The following VAV3 variants were observed in gnomAD, a reference collection of about 807,000 sequenced individuals.
The protein encoded by VAV3 is guanine nucleotide exchange factor VAV3.
Under a neutral mutation model 131.2 loss-of-function variants are expected in VAV3, and 94 were observed. That is an observed-to-expected ratio of 0.72 (90% CI 0.61 to 0.85). The LOEUF is 0.85. Among genes scored for constraint, VAV3 ranks in the 40% least tolerant of loss-of-function variants. The probability of loss-of-function intolerance (pLI) is 0.00; values close to 1 mark genes in which losing one functional copy is unlikely to be tolerated. For synonymous variants in VAV3, 349 were observed against 342.0 expected, an observed-to-expected ratio of 1.02 and a Z score of -0.22; for missense variants, 939 against 1,002.7, an observed-to-expected ratio of 0.94 and a Z score of 0.86.
chr1:107,930,956 A>G (rs1207546555), intron 1 of VAV3, among the ~76,000 whole-genome samples: 1 of 152,236 alleles, frequency 6.6e-6, no homozygotes, highest in Non-Finnish European at 1.5e-5. Context: ...TAATGACACC[A>G]TGAGAAAGCA....
chr1:107,729,175 C>T (rs915931590), intron 15 of VAV3, among the ~76,000 whole-genome samples: 1 of 152,152 alleles, frequency 6.6e-6, no homozygotes, highest in Non-Finnish European at 1.5e-5. Context: ...AATGCACTGA[C>T]AGCAACAGCT....
intron 1 of VAV3, among the ~76,000 whole-genome samples, chr1:107,884,050 C>T (rs934682704): frequency 1.3e-5 from 2 of 151,778 alleles, no homozygotes; most frequent in East Asian, 3.9e-4. Context: ...TGGTGCATGT[C>T]GCTGCCTTTG....
chr1:107,643,042 C>T (rs1052979863), intron 19 of VAV3, among the ~76,000 whole-genome samples: 3 of 152,138 alleles, frequency 2.0e-5, no homozygotes, highest in South Asian at 4.1e-4. Flanking sequence ...CTGATGCCTG[C>T]TTCATAAAAA....
chr1:107,797,912 G>T (rs1331279660), intron 2 of VAV3, among the ~76,000 whole-genome samples: 1 of 152,154 alleles, frequency 6.6e-6, no homozygotes, highest in East Asian at 1.9e-4. Flanking sequence ...CCAAGAATTT[G>T]TACTTCTAGC....
intron 19 of VAV3, 151 bp downstream of exon 19, chr1:107,683,337 C>G: frequency 2.6e-6 from 2 of 760,406 alleles, no homozygotes. Context: ...ATGATTTACA[C>G]GTTAGACCAT....
intron 2 of VAV3, chr1:107,862,557 T>C (rs1338394723): frequency 6.6e-6 from 1 of 151,448 alleles, no homozygotes; most frequent in Non-Finnish European, 1.5e-5. Context: ...AATTGACTAT[T>C]AATATATCAC....
intron 6 of VAV3, among the ~76,000 whole-genome samples, chr1:107,769,314 CTAT>C (rs1664909090): frequency 9.2e-6 from 1 of 108,468 alleles, no homozygotes; most frequent in African/African-American, 3.2e-5. Flanking sequence ...TTTTGTGACT[CTAT>C]CTAAGAAGTT....
intron 15 of VAV3, among the ~76,000 whole-genome samples, chr1:107,738,304 G>A (rs1165497818): frequency 3.3e-5 from 5 of 152,116 alleles, no homozygotes; most frequent in African/African-American, 4.8e-5. Flanking sequence ...GTATACATAC[G>A]TAACAAACCT....
chr1:107,699,409 G>A (rs1659951434), intron 17 of VAV3, among the ~76,000 whole-genome samples: 1 of 152,252 alleles, frequency 6.6e-6, no homozygotes, highest in South Asian at 2.1e-4. Flanking sequence ...CTGCCCCTAT[G>A]GCGTTGCAGG....
chr1:107,723,147 C>T (rs373147288), intron 15 of VAV3, among the ~76,000 whole-genome samples: 1 of 152,096 alleles, frequency 6.6e-6, no homozygotes, highest in African/African-American at 2.4e-5. Context: ...ATAAATGGTA[C>T]TCCACATATA....
At chr1:107,874,879 G>A (rs1277048479) in intron 2 of VAV3, 22 bp downstream of exon 2, 3 of 1,593,848 alleles carry the variant, frequency 1.9e-6, no homozygotes, top group Admixed American at 1.7e-5. Context: ...AAAAAGTAGT[G>A]TTAAAAATGA....
At chr1:107,849,355 A>G (rs1273169359) in intron 2 of VAV3, among the ~76,000 whole-genome samples, 1 of 152,222 alleles carries the variant, frequency 6.6e-6, no homozygotes, top group Non-Finnish European at 1.5e-5. Flanking sequence ...TAACCAAAAC[A>G]GCATGGTACT....
chr1:107,704,879 G>C (rs1025171402), intron 16 of VAV3, 81 bp downstream of exon 16: 40 of 1,393,138 alleles, frequency 2.9e-5, no homozygotes, highest in Non-Finnish European at 3.9e-5. Context: ...GAACCTATTG[G>C]CTAGAAGGTT....
rs555386306 is a variant in VAV3, at chr1:107,789,953, T to C, written c.322-10461A>G. Among the ~76,000 whole-genome samples, 152 of 152,246 alleles carry C rather than the reference T, an allele frequency of 1.0e-3. 1 individual carries two copies. The highest frequency in any genetic ancestry group is 1.9e-3 in the Non-Finnish European group (132 of 68,022). On this transcript the variant is annotated intron_variant, in intron 2 of 26. Coordinates refer to ENST00000370056, the MANE Select transcript of VAV3 (RefSeq NM_006113.5). ...AGCCACATGTGGTTAATAGCAACCA[T>C]ACTGAGTGGTACAAGTCTACACAAA...
chr1:107,957,297 C>G (rs997666350), intron 1 of VAV3, among the ~76,000 whole-genome samples: 2 of 151,626 alleles, frequency 1.3e-5, no homozygotes, highest in African/African-American at 4.9e-5. Context: ...TCCTCTCTAT[C>G]CCTCTATTCA....
chr1:107,813,508 T>A (rs1023981353), intron 2 of VAV3, among the ~76,000 whole-genome samples: 2 of 152,250 alleles, frequency 1.3e-5, no homozygotes, highest in Admixed American at 6.5e-5. Context: ...TTTACATTTT[T>A]ATGTATGTGA....
intron 2 of VAV3, among the ~76,000 whole-genome samples, chr1:107,818,509 C>T (rs1667654897): frequency 6.6e-6 from 1 of 151,912 alleles, no homozygotes; most frequent in African/African-American, 2.4e-5. Flanking sequence ...GAGGGAGGAA[C>T]ACATATTAGA....
At chr1:107,699,373 G>A (rs1371985467) in intron 17 of VAV3, among the ~76,000 whole-genome samples, 3 of 152,238 alleles carry the variant, frequency 2.0e-5, no homozygotes, top group African/African-American at 7.2e-5. Context: ...GATGCAAGAG[G>A]TAGGCACCCA....
At chr1:107,721,650 C>T (rs1434460304) in intron 15 of VAV3, among the ~76,000 whole-genome samples, 1 of 151,910 alleles carries the variant, frequency 6.6e-6, no homozygotes, top group Non-Finnish European at 1.5e-5. Context: ...TTTCTCTCCA[C>T]AAAGGAAATC....
Sources: allele counts gnomAD v4.1 joint callset (sites outside exome capture counted in the v4.1 genomes callset), GRCh38; gene constraint gnomAD v4.1.1; transcripts MANE v1.5; gene names NCBI Gene and HGNC (gene_info 2026-07-23, HGNC 2026-07-21).